CTNND2: variants seen among roughly 807,000 people sequenced by gnomAD.
The protein encoded by CTNND2 is catenin delta 2, also known as catenin delta-2.
In CTNND2, 22 loss-of-function variants were observed where a neutral mutation model predicts 144.4. That is an observed-to-expected ratio of 0.15 (90% confidence interval 0.11 to 0.22). CTNND2 has a LOEUF of 0.22. Among genes scored for constraint, CTNND2 ranks in the 10% least tolerant of loss-of-function variants. The probability of loss-of-function intolerance (pLI) is 1.00; values close to 1 mark genes in which losing one functional copy is unlikely to be tolerated. For synonymous variants in CTNND2, 751 were observed against 695.6 expected (o/e 1.08, Z -1.25); for missense variants, 1,353 against 1,618.8 (o/e 0.84, Z 2.82).
At chr5:11,115,670 T>C (rs960255655) in intron 13 of CTNND2, among the ~76,000 whole-genome samples, 3 of 152,210 alleles carry the variant, frequency 2.0e-5, no homozygotes, top group African/African-American at 7.2e-5. Context: ...TTTGTTACAT[T>C]ATGTTCATCT....
At chr5:11,241,753 C>T (rs1053496967) in intron 9 of CTNND2, among the ~76,000 whole-genome samples, 1 of 152,120 alleles carries the variant, frequency 6.6e-6, no homozygotes, top group Admixed American at 6.5e-5. Context: ...TAGCAGCAGG[C>T]CTGCAGAAAA....
intron 9 of CTNND2, among the ~76,000 whole-genome samples, chr5:11,251,759 T>G (rs753056735): frequency 2.6e-5 from 4 of 152,190 alleles, no homozygotes; most frequent in Non-Finnish European, 4.4e-5. Flanking sequence ...TGTAAAAGTT[T>G]ATACTCAGAA....
chr5:11,822,184 GA>G (rs1793350652), intron 1 of CTNND2, among the ~76,000 whole-genome samples: 1 of 152,108 alleles, frequency 6.6e-6, no homozygotes, highest in Non-Finnish European at 1.5e-5. Flanking sequence ...GTTAATGACA[GA>G]ACAGGAATGT....
intron 2 of CTNND2, among the ~76,000 whole-genome samples, chr5:11,703,222 G>C (rs1286855149): frequency 6.6e-6 from 1 of 152,128 alleles, no homozygotes; most frequent in East Asian, 1.9e-4. Flanking sequence ...AAAATATATA[G>C]TTGGCAATTA....
intron 3 of CTNND2, among the ~76,000 whole-genome samples, chr5:11,526,632 C>T (rs546847052): frequency 1.6e-4 from 24 of 152,304 alleles, no homozygotes; most frequent in Non-Finnish European, 3.2e-4. Context: ...TGTATTAACA[C>T]TTAATCCTCA....
intron 7 of CTNND2, among the ~76,000 whole-genome samples, chr5:11,372,709 A>T (rs528319341): frequency 6.6e-6 from 1 of 152,322 alleles, no homozygotes; most frequent in African/African-American, 2.4e-5. Context: ...TCAAAATGCC[A>T]CAGGCATATG....
intron 12 of CTNND2, among the ~76,000 whole-genome samples, chr5:11,120,503 GTAA>G (rs1754003286): frequency 3.5e-5 from 1 of 28,574 alleles, no homozygotes; most frequent in African/African-American, 1.2e-4. Flanking sequence ...GTCCGCAGGG[GTAA>G]TGAGGCTCAG....
chr5:11,618,749 A>C (rs555246534), intron 2 of CTNND2, among the ~76,000 whole-genome samples: 6 of 152,190 alleles, frequency 3.9e-5, no homozygotes, highest in Non-Finnish European at 7.4e-5. Context: ...GCAAACACTT[A>C]TGATTATTAC....
intron 1 of CTNND2, among the ~76,000 whole-genome samples, chr5:11,886,648 A>G (rs1353987449): frequency 6.6e-6 from 1 of 152,162 alleles, no homozygotes; most frequent in African/African-American, 2.4e-5. Context: ...ACATTTGCTA[A>G]ATCTAGCAAC....
intron 2 of CTNND2, among the ~76,000 whole-genome samples, chr5:11,654,251 T>G (rs1782799033): frequency 6.6e-6 from 1 of 152,224 alleles, no homozygotes; most frequent in East Asian, 1.9e-4. Context: ...GAATTATTTT[T>G]CTATTTCTGT....
intron 12 of CTNND2, among the ~76,000 whole-genome samples, chr5:11,152,146 T>C (rs549125592): frequency 1.3e-5 from 2 of 152,290 alleles, no homozygotes; most frequent in African/African-American, 4.8e-5. Context: ...GAATATTGTC[T>C]TCTGAGGCAT....
intron 8 of CTNND2, among the ~76,000 whole-genome samples, chr5:11,353,752 G>A (rs1295817303): frequency 2.0e-5 from 3 of 151,572 alleles, no homozygotes; most frequent in Non-Finnish European, 2.9e-5. Context: ...GCAGTGATCC[G>A]AGATTGTGCC....
chr5:11,245,267 A>G (rs1261496537), intron 9 of CTNND2, among the ~76,000 whole-genome samples: 1 of 152,218 alleles, frequency 6.6e-6, no homozygotes, highest in Non-Finnish European at 1.5e-5. Context: ...ACACTGGGAA[A>G]GACTGAAGAG....
At chr5:11,085,146 A>C (rs920243657) in intron 15 of CTNND2, among the ~76,000 whole-genome samples, 3 of 152,230 alleles carry the variant, frequency 2.0e-5, no homozygotes, top group African/African-American at 7.2e-5. Flanking sequence ...GGAATCCTTC[A>C]GCTTTGCTGG....
chr5:11,697,468 C>T (rs1417395062), intron 2 of CTNND2, among the ~76,000 whole-genome samples: 1 of 152,158 alleles, frequency 6.6e-6, no homozygotes, highest in Admixed American at 6.5e-5. Flanking sequence ...CATTAAAATG[C>T]ATTAAATATT....
chr5:11,900,845 T>A (rs966585737), intron 1 of CTNND2, among the ~76,000 whole-genome samples: 1 of 152,204 alleles, frequency 6.6e-6, no homozygotes, highest in African/African-American at 2.4e-5. Context: ...TTTTGTTCAT[T>A]GTCTGAATTA....
At chr5:11,641,574 G>A (rs1782006356) in intron 2 of CTNND2, among the ~76,000 whole-genome samples, 1 of 138,592 alleles carries the variant, frequency 7.2e-6, no homozygotes, top group African/African-American at 2.9e-5. Context: ...ACATATACGT[G>A]TGTATGTATA....
chr5:11,783,049 C>A (rs1790628491), intron 1 of CTNND2, among the ~76,000 whole-genome samples: 1 of 152,018 alleles, frequency 6.6e-6, no homozygotes, highest in Non-Finnish European at 1.5e-5. Flanking sequence ...AACAAGCTAC[C>A]GGGGCTGCCT....
chr5:11,153,461 T>G (rs990401867), intron 12 of CTNND2, among the ~76,000 whole-genome samples: 1 of 152,190 alleles, frequency 6.6e-6, no homozygotes, highest in African/African-American at 2.4e-5. Flanking sequence ...TTCTTACCTG[T>G]GGCTAATGCA....
Sources: allele counts gnomAD v4.1 joint callset (sites outside exome capture counted in the v4.1 genomes callset), GRCh38; gene constraint gnomAD v4.1.1; transcripts MANE v1.5; gene names NCBI Gene and HGNC (gene_info 2026-07-23, HGNC 2026-07-21).